ZNF665: variants seen among roughly 807,000 people sequenced by gnomAD.
ZNF665 encodes zinc finger protein 665.
In ZNF665, 6 loss-of-function variants were observed where a neutral mutation model predicts 7.9. The ratio of observed to expected loss-of-function variants is 0.76; its 90% CI spans 0.42 to 1.50. The LOEUF (loss-of-function observed/expected upper bound fraction) is 1.50. ZNF665 is among the 40% of genes most tolerant of loss of function. ZNF665 has a pLI of 0.01. For missense variants in ZNF665, 819 were observed against 806.7 expected (o/e 1.02, Z -0.18); for synonymous variants, 242 against 274.5 (o/e 0.88, Z 1.17).
At chr19:53,168,072 A>T (rs938030782) in intron 3 of ZNF665, among the ~76,000 whole-genome samples, 23 of 149,244 alleles carry the variant, frequency 1.5e-4, no homozygotes, top group African/African-American at 5.2e-4. Flanking sequence ...AAAAAAAAAA[A>T]AAAAAAAAAA....
intron 1 of ZNF665, among the ~76,000 whole-genome samples, chr19:53,185,262 C>T (rs927604857): frequency 3.3e-5 from 5 of 152,044 alleles, no homozygotes; most frequent in African/African-American, 1.2e-4. Flanking sequence ...CGCTAGACCA[C>T]GGTCCGCTTG....
chr19:53,177,838 C>G (rs1433374628), intron 2 of ZNF665, among the ~76,000 whole-genome samples: 3 of 152,166 alleles, frequency 2.0e-5, no homozygotes, highest in Non-Finnish European at 4.4e-5. Flanking sequence ...CACTGTAGCC[C>G]ATGAGAGAAA....
chr19:53,190,848 T>C (rs2146896468), intron 1 of ZNF665, among the ~76,000 whole-genome samples: 1 of 152,264 alleles, frequency 6.6e-6, no homozygotes, highest in African/African-American at 2.4e-5. Context: ...GCAGGAGAAT[T>C]GCTTGAGCCC....
intron 2 of ZNF665, chr19:53,182,608 A>G (rs2090746155): frequency 4.0e-6 from 3 of 748,898 alleles, no homozygotes; most frequent in Non-Finnish European, 7.0e-6. Context: ...GTTGCCCAAC[A>G]GCACTGACAC....
At chr19:53,185,318 A>G (rs539944904) in intron 1 of ZNF665, among the ~76,000 whole-genome samples, 1 of 151,920 alleles carries the variant, frequency 6.6e-6, no homozygotes, top group Non-Finnish European at 1.5e-5. Context: ...TAGACCAAGG[A>G]GCCCTCCGGT....
intron 3 of ZNF665, among the ~76,000 whole-genome samples, chr19:53,174,515 T>C (rs1198996614): frequency 1.3e-5 from 2 of 152,204 alleles, no homozygotes; most frequent in African/African-American, 2.4e-5. Context: ...CCATCTGAAC[T>C]CTGACCTGTG....
chr19:53,171,349 C>T (rs1029031155), intron 3 of ZNF665, among the ~76,000 whole-genome samples: 5 of 151,484 alleles, frequency 3.3e-5, no homozygotes, highest in African/African-American at 9.7e-5. Context: ...AGATGATTAG[C>T]GTTACAGAGT....
intron 2 of ZNF665, chr19:53,180,577 T>C (rs1256319038): frequency 6.6e-6 from 1 of 152,208 alleles, no homozygotes; most frequent in Non-Finnish European, 1.5e-5. Context: ...CATATTCATG[T>C]GTGCACATCA....
intron 2 of ZNF665, among the ~76,000 whole-genome samples, chr19:53,179,147 G>T (rs978959446): frequency 6.6e-6 from 1 of 152,076 alleles, no homozygotes; most frequent in African/African-American, 2.4e-5. Flanking sequence ...GCCGAGGCGG[G>T]TGGATCACGA....
rs767094244 is a variant in ZNF665 at position 53,165,397 on chromosome 19, G to C, written c.1093C>G (p.Arg365Gly). Residue 365 changes from arginine to glycine, a missense_variant, in exon 4 of 4, where the codon CGG becomes GGG. By Grantham distance (125) the Arg-to-Gly change is moderately radical (BLOSUM62 -2). Coordinates refer to ENST00000396424, the MANE Select transcript of ZNF665 (RefSeq NM_024733.5). ...GGTTTCTCACCAGTATGAATTCGCC[G>C]ATGCTTTGCAAGGTATGAATTGTGC... ...FRHNSYLAKH[R>G]RIHTGEKPYK... is the part of the protein sequence containing the mutation. 1 of 1,613,972 alleles carries C rather than the reference G, an allele frequency of 6.2e-7. No homozygotes were observed. The highest frequency in any genetic ancestry group is 1.7e-5 in the Admixed American group (1 of 59,992).
rs1420350035 is a variant in ZNF665, at chr19:53,166,178, A to G, written c.312T>C (p.Asp104=). 6.2e-7 allele frequency: 1 copy of G among 1,613,860 alleles called. No individual in the cohort carries two copies. The highest frequency in any genetic ancestry group is 2.2e-5 in the East Asian group (1 of 44,878). The change falls in exon 4 of 4, where the codon GAT becomes GAC. Residue 104 remains aspartate (D), a synonymous_variant. Transcript: ENST00000396424. The part of the protein sequence containing the change: ...NTYDFECQWK[D]DEGNYKTVLM... ...GTACTGTTTTATAATTTCCTTCATCATCTTTCCACTGACACTCAAAGTCGT... is the reference window on the plus strand; with the variant it reads ...GTACTGTTTTATAATTTCCTTCATCGTCTTTCCACTGACACTCAAAGTCGT...
chr19:53,171,933 T>TTAGTTAG (rs1474491052), intron 3 of ZNF665, among the ~76,000 whole-genome samples: 8 of 152,088 alleles, frequency 5.3e-5, no homozygotes, highest in Admixed American at 1.3e-4. Flanking sequence ...TTTTGTATGT[T>TTAGTTAG]TAGTAGAAAC....
At position 53,166,256 on chromosome 19, in the gene ZNF665, A is replaced by G; in HGVS notation, c.234T>C (p.Leu78=). The G allele has an allele frequency of 6.2e-7, 1 of 1,613,886 alleles. No individual in the cohort carries two copies. Among genetic ancestry groups the G allele is most frequent in the Non-Finnish European group, 8.5e-7 (1 of 1,179,864 alleles). Residue 78 remains leucine, a synonymous_variant, in exon 4 of 4, where the codon CTT becomes CTC. Coordinates refer to ENST00000396424, the MANE Select transcript of ZNF665 (RefSeq NM_024733.5). ...EAFYTVKLER[L]ESCDTVGLSF... ...ACAAGCCTACAGTGTCACAGCTTTC[A>G]AGTCTCTCCAACTTCACCGTGTAGA...
intron 3 of ZNF665, among the ~76,000 whole-genome samples, chr19:53,169,122 T>A (rs1032554245): frequency 1.3e-5 from 2 of 152,038 alleles, no homozygotes; most frequent in Non-Finnish European, 2.9e-5. Context: ...GTTAAAAGAA[T>A]GAAGACTCGG....
intron 3 of ZNF665, among the ~76,000 whole-genome samples, chr19:53,172,015 A>G (rs2090662291): frequency 6.6e-6 from 1 of 152,114 alleles, no homozygotes; most frequent in Non-Finnish European, 1.5e-5. Flanking sequence ...TGGCCTCCCA[A>G]AGTGCTGGGA....
At position 53,165,441 on chromosome 19, in the gene ZNF665, T is replaced by C. The variant is rs1174040488; in HGVS notation, c.1049A>G (p.Glu350Gly). 6.2e-7 allele frequency: 1 copy of C among 1,613,388 alleles called. No homozygotes were observed. The highest frequency in any genetic ancestry group is 2.2e-5 in the East Asian group (1 of 44,862). Residue 350 changes from glutamate (E) to glycine (G), a missense_variant, in exon 4 of 4, where the codon GAA becomes GGA. Glu to Gly is a moderately conservative substitution (Grantham distance 98). Coordinates refer to ENST00000396424, the MANE Select transcript of ZNF665 (RefSeq NM_024733.5). ...ATTGTGCCTGAAGACCTTGCCACAT[T>C]CATTACATTTGTAAGGTTTTTCTCC... ...HTGEKPYKCN[E>G]CGKVFRHNSY...
At chr19:53,178,100 CAAG>C (rs201730843) in intron 2 of ZNF665, among the ~76,000 whole-genome samples, 1,918 of 152,292 alleles carry the variant, frequency 0.013, 29 homozygotes, top group Middle Eastern at 0.068. Context: ...GCTACATAGT[CAAG>C]AAGAGCCTTC....
Position 53,166,207 on chromosome 19 carries a change from T to C in ZNF665, c.283A>G (p.Thr95Ala), listed in dbSNP as rs1599870504. 1 of 1,613,998 alleles carries C rather than the reference T, an allele frequency of 6.2e-7. No homozygotes were observed. Among genetic ancestry groups the C allele is most frequent in the Non-Finnish European group, 8.5e-7 (1 of 1,179,890 alleles). Residue 95 changes from threonine (T) to alanine (A), a missense_variant, in exon 4 of 4, where the codon ACA (threonine) becomes GCA (alanine). Physicochemically the swap from Thr to Ala is moderately conservative, Grantham distance 58. Coordinates refer to ENST00000396424, the MANE Select transcript of ZNF665 (RefSeq NM_024733.5). ...GLSFQEVQKNTYDFECQWKDD... is the reference protein window; with the variant it reads ...GLSFQEVQKNAYDFECQWKDD... ...TTCCACTGACACTCAAAGTCGTATG[T>C]ATTTTTCTGAACTTCCTGGAAGGAC...
intron 1 of ZNF665, among the ~76,000 whole-genome samples, chr19:53,184,282 T>C: frequency 6.6e-6 from 1 of 152,082 alleles, no homozygotes; most frequent in East Asian, 1.9e-4. Flanking sequence ...AATAAATAAT[T>C]TTTAAAACAC....
Sources: allele counts gnomAD v4.1 joint callset (sites outside exome capture counted in the v4.1 genomes callset), GRCh38; gene constraint gnomAD v4.1.1; transcripts MANE v1.5; gene names NCBI Gene and HGNC (gene_info 2026-07-23, HGNC 2026-07-21).